The following NWD1 variants were observed in gnomAD, a reference collection of about 807,000 sequenced individuals.
The protein encoded by NWD1 is NACHT domain- and WD repeat-containing protein 1.
A neutral mutation model predicts 135.1 loss-of-function variants in NWD1; 129 were observed. The ratio of observed to expected loss-of-function variants is 0.96; its 90% confidence interval spans 0.83 to 1.11. The LOEUF (loss-of-function observed/expected upper bound fraction) is 1.11. NWD1 is among the 50% of genes least tolerant of loss of function. The probability of loss-of-function intolerance (pLI) is 0.00; values close to 1 mark genes in which losing one functional copy is unlikely to be tolerated. For synonymous variants in NWD1, 773 were observed against 786.0 expected (o/e 0.98, Z 0.28); for missense variants, 1,740 against 1,851.3 (o/e 0.94, Z 1.10).
At chr19:16,737,357 G>C (rs1332760683) in intron 4 of NWD1, among the ~76,000 whole-genome samples, 4 of 151,922 alleles carry the variant, frequency 2.6e-5, no homozygotes, top group African/African-American at 4.8e-5. Context: ...TTGAACTCCT[G>C]GGCTTCTGAT....
intron 18 of NWD1, among the ~76,000 whole-genome samples, chr19:16,813,479 T>C (rs151020768): frequency 2.0e-5 from 3 of 152,042 alleles, no homozygotes; most frequent in Non-Finnish European, 4.4e-5. Context: ...GTTTTTGTTT[T>C]TTGTTTTTTG....
At chr19:16,730,778 C>T (rs1178831694) in intron 2 of NWD1, among the ~76,000 whole-genome samples, 2 of 151,994 alleles carry the variant, frequency 1.3e-5, no homozygotes, top group African/African-American at 4.8e-5. Flanking sequence ...TCTGTAATCC[C>T]AACACTTTGG....
chr19:16,731,761 C>T (rs915518143), intron 3 of NWD1, among the ~76,000 whole-genome samples: 3 of 152,090 alleles, frequency 2.0e-5, no homozygotes, highest in South Asian at 2.1e-4. Context: ...CCCGCCACCA[C>T]GCCCCTCTAT....
intron 6 of NWD1, among the ~76,000 whole-genome samples, chr19:16,756,869 T>A (rs1968820078): frequency 6.6e-6 from 1 of 152,144 alleles, no homozygotes; most frequent in Non-Finnish European, 1.5e-5. Flanking sequence ...CCCCCTCTTG[T>A]CAGGTCAGCA....
chr19:16,764,361 G>GTCCATCCATCCA (rs71180332), intron 9 of NWD1, among the ~76,000 whole-genome samples: 14 of 145,202 alleles, frequency 9.6e-5, no homozygotes, highest in East Asian at 4.1e-4. Context: ...CCCATCTTCT[G>GTCCATCCATCCA]TCCATCCATC....
chr19:16,760,773 T>G (rs927618832), intron 7 of NWD1, among the ~76,000 whole-genome samples: 18 of 151,736 alleles, frequency 1.2e-4, no homozygotes, highest in Admixed American at 1.2e-3. Flanking sequence ...GTATTTTTAG[T>G]AGAGACGGGT....
intron 2 of NWD1, among the ~76,000 whole-genome samples, chr19:16,730,984 C>A (rs1467060110): frequency 6.6e-6 from 1 of 151,086 alleles, no homozygotes; most frequent in African/African-American, 2.4e-5. Flanking sequence ...TGGCTCACGC[C>A]TGTAATCCCA....
chr19:16,801,962 C>A (rs958440184), intron 17 of NWD1, among the ~76,000 whole-genome samples: 2 of 151,804 alleles, frequency 1.3e-5, no homozygotes, highest in African/African-American at 4.8e-5. Flanking sequence ...TCAAGACCAG[C>A]CTGGGCAACA....
chr19:16,757,633 A>G (rs1179208360), intron 6 of NWD1, among the ~76,000 whole-genome samples: 1 of 152,114 alleles, frequency 6.6e-6, no homozygotes, highest in Non-Finnish European at 1.5e-5. Flanking sequence ...GGGAGTGCCA[A>G]GTGAGGTGCC....
At chr19:16,747,932 T>C (rs1968392758) in intron 5 of NWD1, among the ~76,000 whole-genome samples, 2 of 152,220 alleles carry the variant, frequency 1.3e-5, no homozygotes, top group Admixed American at 1.3e-4. Context: ...TATCCCATTG[T>C]GTGGAAGGAC....
chr19:16,770,048 A>G (rs951279609), intron 10 of NWD1, among the ~76,000 whole-genome samples: 10 of 151,980 alleles, frequency 6.6e-5, no homozygotes, highest in African/African-American at 2.4e-4. Context: ...CTTTTGCATC[A>G]TCTGTCTGCC....
chr19:16,731,172 C>T lies in NWD1; in HGVS notation c.-6-20C>T, dbSNP rs1166456275. 11 of 1,383,422 alleles carry T rather than the reference C, an allele frequency of 8.0e-6. No homozygotes were observed. The highest frequency in any genetic ancestry group is 1.1e-5 in the Non-Finnish European group (11 of 1,008,230). 85.7% of individuals were successfully genotyped at this position (1,383,422 alleles called of 1,614,324 possible). Reference sequence around the variant, plus strand: ...GTTCTGAGTCCTTTCCACTAATACCCTCCATGCCCTTCCTTGCAGATATGG... The same window carrying T: ...GTTCTGAGTCCTTTCCACTAATACCTTCCATGCCCTTCCTTGCAGATATGG... On this transcript the variant is annotated intron_variant, in intron 2 of 18. Transcript: ENST00000524140.
intron 4 of NWD1, among the ~76,000 whole-genome samples, chr19:16,740,601 G>C (rs1968038245): frequency 6.7e-6 from 1 of 149,962 alleles, no homozygotes; most frequent in African/African-American, 2.4e-5. Flanking sequence ...GCCTCCAAAA[G>C]TGCTGGGATT....
At chr19:16,753,829 TCATCCATCCATCCATC>T (rs79060014) in intron 6 of NWD1, among the ~76,000 whole-genome samples, 27 of 135,028 alleles carry the variant, frequency 2.0e-4, no homozygotes, top group Middle Eastern at 3.8e-3. Context: ...ATCATCTCTA[TCATCCATCCATCCATC>T]CATCCATCCA....
intron 3 of NWD1, among the ~76,000 whole-genome samples, chr19:16,734,257 A>C (rs1967697339): frequency 6.6e-6 from 1 of 152,132 alleles, no homozygotes; most frequent in African/African-American, 2.4e-5. Context: ...TTTTTTAAAA[A>C]AGCTTTTCTG....
intron 6 of NWD1, among the ~76,000 whole-genome samples, 153 bp from the exon 7 acceptor site, chr19:16,759,072 C>G (rs116006821): frequency 0.045 from 6,708 of 150,278 alleles, 169 homozygotes; most frequent in African/African-American, 0.076. Flanking sequence ...CCTAACCGTG[C>G]TTGGTACCTT....
Position 16,760,430 on chromosome 19 carries a change from T to C in NWD1, c.1973+1002T>C, listed in dbSNP as rs981780761. ...TGCACCACCATGCCTGGCTAATTTT[T>C]AAATTTTTTTGTGGAGATGGGGTCT... On this transcript the variant is annotated intron_variant, in intron 7 of 18. Transcript: ENST00000524140. Among the ~76,000 whole-genome samples the C allele has an allele frequency of 1.9e-4, 28 of 151,336 alleles. 1 individual carries two copies. Among genetic ancestry groups the C allele is most frequent in the Non-Finnish European group, 2.9e-5 (2 of 67,874 alleles).
rs778293043 is a variant in NWD1 at position 16,762,189 on chromosome 19, G to A, written c.2133+51G>A. On this transcript the variant is annotated intron_variant, in intron 8 of 18. Coordinates refer to ENST00000524140, the MANE Select transcript of NWD1 (RefSeq NM_001007525.5). ...CCACCTGCAACCTCCACCCTGCCTG[G>A]CATTGCTCACCTCCTTCCTTCCCCT... is the stretch of plus-strand genomic sequence containing the variant. The A allele has an allele frequency of 5.1e-6, 8 of 1,557,008 alleles. No homozygotes were observed. The Admixed American group carries it at 1.4e-4, about 27-fold the overall frequency.
At chr19:16,750,676 C>T (rs1233142502) in intron 6 of NWD1, among the ~76,000 whole-genome samples, 1 of 151,514 alleles carries the variant, frequency 6.6e-6, no homozygotes, top group Non-Finnish European at 1.5e-5. Flanking sequence ...GGCTCTGTCA[C>T]CCAGGCTGGA....
Sources: allele counts gnomAD v4.1 joint callset (sites outside exome capture counted in the v4.1 genomes callset), GRCh38; gene constraint gnomAD v4.1.1; transcripts MANE v1.5; gene names NCBI Gene and HGNC (gene_info 2026-07-23, HGNC 2026-07-21).